The following MUC3A variants were observed in gnomAD, a reference collection of about 807,000 sequenced individuals.
The protein encoded by MUC3A is mucin 3A, cell surface associated.
Under a neutral mutation model 109.0 loss-of-function variants are expected in MUC3A, and 109 were observed. The observed-to-expected ratio is 1.00, with a 90% CI of 0.86 to 1.17. The LOEUF is 1.17. Among genes scored for constraint, MUC3A ranks in the 50% most tolerant of loss-of-function variants. MUC3A has a pLI of 0.00. For missense variants in MUC3A, 3,537 were observed against 2,469.4 expected, an observed-to-expected ratio of 1.43 and a Z score of -9.16; for synonymous variants, 1,398 against 981.4, an observed-to-expected ratio of 1.42 and a Z score of -7.93.
chr7:100,958,134 A>C lies in MUC3A; in HGVS notation c.6355A>C (p.Met2119Leu). 12 of 1,248,528 alleles carry C rather than the reference A, an allele frequency of 9.6e-6. No homozygotes were observed. The highest frequency in any genetic ancestry group is 1.4e-5 in the Non-Finnish European group (12 of 865,930). The allele number at this position is 1,248,528 out of a possible 1,614,324, so 77.3% of individuals were successfully genotyped here. A position where few individuals can be genotyped will look rare whatever the true frequency, so the allele number is the denominator to read the frequency against. The change falls in exon 2 of 12, where the codon ATG (methionine) becomes CTG (leucine). Residue 2119 changes from methionine to leucine, a missense_variant. Transcript: ENST00000379458. ...SFTSSITTSE[M>L]PSHSTPSFTS... ...CACTTCCTCAATCACCACCTCTGAG[A>C]TGCCCTCACACAGTACTCCCAGCTT...
Position 100,958,729 on chromosome 7 carries a change from C to G in MUC3A, c.6950C>G (p.Thr2317Ser), listed in dbSNP as rs772590984. ...FTSSITTTET[T>S]SHSAHSFTSS... Reference sequence around the variant, plus strand: ...TCTTCGATCACCACCACGGAGACCACCTCACACAGTGCTCACAGCTTCACT... The same window carrying G: ...TCTTCGATCACCACCACGGAGACCAGCTCACACAGTGCTCACAGCTTCACT... The change falls in exon 2 of 12, where the codon ACC (threonine) becomes AGC (serine). Residue 2317 changes from threonine (T) to serine (S), a missense_variant. Coordinates refer to ENST00000379458, the MANE Select transcript of MUC3A (RefSeq NM_005960.2). 2.3e-6 allele frequency: 3 copies of G among 1,307,760 alleles called. No individual in the cohort carries two copies. Among genetic ancestry groups the G allele is most frequent in the Non-Finnish European group, 2.9e-6 (3 of 1,018,254 alleles). 81.0% of individuals were successfully genotyped at this position (1,307,760 alleles called of 1,614,324 possible). A position where few individuals can be genotyped will look rare whatever the true frequency, so the allele number is the denominator to read the frequency against.
chr7:100,952,568 C>A lies in MUC3A; in HGVS notation c.789C>A (p.Ile263=). The A allele has an allele frequency of 6.3e-7, 1 of 1,598,486 alleles. No homozygotes were observed. Among genetic ancestry groups the A allele is most frequent in the Non-Finnish European group, 8.5e-7 (1 of 1,179,742 alleles). The change falls in exon 2 of 12, where the codon ATC becomes ATA. Residue 263 remains isoleucine, a synonymous_variant. Coordinates refer to ENST00000379458, the MANE Select transcript of MUC3A (RefSeq NM_005960.2). ...VTSTSPITSS[I]TSTNTVTSMT... Reference sequence around the variant, plus strand: ...CCACTTCCCCCATCACTTCTTCAATCACTTCCACAAATACAGTGACTTCTA... The same window carrying A: ...CCACTTCCCCCATCACTTCTTCAATAACTTCCACAAATACAGTGACTTCTA...
At chr7:100,949,911 T>C (rs796582151) in intron 1 of MUC3A, among the ~76,000 whole-genome samples, 12 of 974 alleles carry the variant, frequency 0.012, no homozygotes, top group South Asian at 0.045. Context: ...TGGGAAAGAG[T>C]GAGGGAGCTG....
chr7:100,960,731 C>T (rs1372855974), intron 2 of MUC3A, 21 bp from the exon 3 acceptor site: 5 of 1,595,188 alleles, frequency 3.1e-6, no homozygotes, highest in Admixed American at 1.7e-5. Context: ...CTGAGCTTCC[C>T]TTTCTTTCTG....
rs1240521931 is a variant in MUC3A, at chr7:100,960,158, T to C, written c.8379T>C (p.Thr2793=). ...CATGTGTTGAAATGGATCCCAGCACTGAAGCTACTTCTCCTCCCACCACCC... is the reference window on the plus strand; with the variant it reads ...CATGTGTTGAAATGGATCCCAGCACCGAAGCTACTTCTCCTCCCACCACCC... ...TDPCVEMDPS[T]EATSPPTTPL... is the part of the protein sequence containing the mutation. The change falls in exon 2 of 12, where the codon ACT becomes ACC. Residue 2793 remains threonine (T), a synonymous_variant. Coordinates refer to ENST00000379458, the MANE Select transcript of MUC3A (RefSeq NM_005960.2). The C allele has an allele frequency of 2.6e-6, 4 of 1,567,062 alleles. No individual in the cohort carries two copies. The highest frequency in any genetic ancestry group is 1.2e-5 in the South Asian group (1 of 84,332).
chr7:100,961,387 C>T (rs1392462349), intron 3 of MUC3A, among the ~76,000 whole-genome samples: 1 of 142,334 alleles, frequency 7.0e-6, no homozygotes, highest in Non-Finnish European at 1.5e-5. Context: ...GAGCCTCCCA[C>T]AGCAAGCCTG....
chr7:100,964,023 C>T (rs1792434531), intron 5 of MUC3A: 1 of 600,100 alleles, frequency 1.7e-6, no homozygotes, highest in East Asian at 2.8e-5. Flanking sequence ...ACTTTGTCCC[C>T]CTCTGGCTGG....
rs748929601 is a variant in MUC3A at position 100,959,579 on chromosome 7, C to T, written c.7800C>T (p.Thr2600=). The part of the protein sequence containing the change: ...TQTSPAPTTV[T]FGSTDSSTST... The stretch of plus-strand genomic sequence containing the variant: ...CATCTCCTGCACCTACTACTGTCAC[C>T]TTTGGAAGTACGGATTCCTCCACGT... Residue 2600 remains threonine (T), a synonymous_variant, in exon 2 of 12, where the codon ACC becomes ACT. Coordinates refer to ENST00000379458, the MANE Select transcript of MUC3A (RefSeq NM_005960.2). 12 of 1,595,810 alleles carry T rather than the reference C, an allele frequency of 7.5e-6. No individual in the cohort carries two copies. The African/African-American group carries it at 1.1e-4, about 14-fold the overall frequency.
rs1792534957 is a variant in MUC3A, at chr7:100,966,112, G to T, written c.9611+246G>T. 8 of 554,106 alleles carry T rather than the reference G, an allele frequency of 1.4e-5. No individual in the cohort carries two copies. The South Asian group carries it at 3.0e-4, about 21-fold the overall frequency. The allele number at this position is 554,106 out of a possible 1,614,324, so 34.3% of individuals were successfully genotyped here. On this transcript the variant is annotated intron_variant, in intron 8 of 11. Transcript: ENST00000379458. The stretch of plus-strand genomic sequence containing the variant: ...GAACCCCGCCCACTCATTCTAGGGT[G>T]GGGCCCCGCCTCCTCGTTCTAGGGT...
Position 100,957,699 on chromosome 7 carries a change from A to C in MUC3A, c.5920A>C (p.Ser1974Arg). The change falls in exon 2 of 12, where the codon AGC becomes CGC. Residue 1974 changes from serine (S) to arginine (R), a missense_variant. Physicochemically the swap from Ser to Arg is moderately radical, Grantham distance 110. Coordinates refer to ENST00000379458, the MANE Select transcript of MUC3A (RefSeq NM_005960.2). ...CGAGACCACATCCCACAATACTCCC[A>C]GCCTCACTTCTTCAATCACCACCAC... ...TTETTSHNTP[S>R]LTSSITTTKT... 1.4e-6 allele frequency: 2 copies of C among 1,385,752 alleles called. No homozygotes were observed. Among genetic ancestry groups the C allele is most frequent in the Non-Finnish European group, 2.0e-6 (2 of 1,009,482 alleles). 85.8% of individuals were successfully genotyped at this position (1,385,752 alleles called of 1,614,324 possible).
intron 5 of MUC3A, 67 bp from the exon 6 acceptor site, chr7:100,964,628 G>A: frequency 6.5e-7 from 1 of 1,541,936 alleles, no homozygotes. Context: ...GGTTGCTTCT[G>A]GAGGTGCCCC....
rs114888161 is a variant in MUC3A, at chr7:100,966,294, C to A, written c.9612-92C>A. 7,726 of 1,098,320 alleles carry A rather than the reference C, an allele frequency of 7.0e-3. No homozygotes were observed. The African/African-American group carries it at 0.17, about 25-fold the overall frequency. The allele number at this position is 1,098,320 out of a possible 1,614,324, so 68.0% of individuals were successfully genotyped here. ...ACCCCCCGCTGCCCTAGGCTGGAGCCCCGCCCCCTCACCCGCCCCCGCGGG... is the reference window on the plus strand; with the variant it reads ...ACCCCCCGCTGCCCTAGGCTGGAGCACCGCCCCCTCACCCGCCCCCGCGGG... On this transcript the variant is annotated intron_variant, in intron 8 of 11. Transcript: ENST00000379458.
At position 100,959,952 on chromosome 7, in the gene MUC3A, G is replaced by T. The variant is rs373395245; in HGVS notation, c.8173G>T (p.Ala2725Ser). Residue 2725 changes from alanine to serine, a missense_variant, in exon 2 of 12, where the codon GCT becomes TCT. Coordinates refer to ENST00000379458, the MANE Select transcript of MUC3A (RefSeq NM_005960.2). ...TTTCAGTACAGAAAATGTGGGCTCC[G>T]CTTCTATCACAGGCTTTCCTAGTCT... ...YIFSTENVGSASITGFPSLSS... is the reference protein window; with the variant it reads ...YIFSTENVGSSSITGFPSLSS... The T allele has an allele frequency of 2.6e-6, 4 of 1,509,768 alleles. No homozygotes were observed. Among genetic ancestry groups the T allele is most frequent in the Non-Finnish European group, 3.5e-6 (4 of 1,140,284 alleles). 93.5% of individuals were successfully genotyped at this position (1,509,768 alleles called of 1,614,324 possible).
Position 100,959,422 on chromosome 7 carries a change from T to G in MUC3A, c.7643T>G (p.Met2548Arg). The G allele has an allele frequency of 6.5e-7, 1 of 1,539,344 alleles. No homozygotes were observed. The highest frequency in any genetic ancestry group is 8.7e-7 in the Non-Finnish European group (1 of 1,154,508). Reference protein sequence around the residue: ...SSLVGTTSPTMSTVRMTLRIT... With the variant: ...SSLVGTTSPTRSTVRMTLRIT... ...CTTGTGGGCACCACCTCTCCCACCATGTCCACTGTGAGAATGACCCTCAGA... is the reference window on the plus strand; with the variant it reads ...CTTGTGGGCACCACCTCTCCCACCAGGTCCACTGTGAGAATGACCCTCAGA... The change falls in exon 2 of 12, where the codon ATG becomes AGG. Residue 2548 changes from methionine to arginine, a missense_variant. Transcript: ENST00000379458.
In MUC3A at chr7:100,965,272, G is replaced by A. The variant is rs1400649354; in HGVS notation, c.9383-10G>A. On this transcript the variant is annotated splice_polypyrimidine_tract_variant and intron_variant, in intron 6 of 11. Coordinates refer to ENST00000379458, the MANE Select transcript of MUC3A (RefSeq NM_005960.2). ...CCCCGCCCATTCCATCTGTGCCTGTGTTTCCGCAGCCCTGTGTTTTAAGCC... is the reference window on the plus strand; with the variant it reads ...CCCCGCCCATTCCATCTGTGCCTGTATTTCCGCAGCCCTGTGTTTTAAGCC... 6.3e-7 allele frequency: 1 copy of A among 1,598,898 alleles called. No individual in the cohort carries two copies. The highest frequency in any genetic ancestry group is 8.5e-7 in the Non-Finnish European group (1 of 1,179,614).
intron 6 of MUC3A, 42 bp from the exon 7 acceptor site, chr7:100,965,229 CCTTAACCCCTT>C (rs1792488622): frequency 9.4e-6 from 15 of 1,592,696 alleles, no homozygotes; most frequent in Middle Eastern, 1.6e-4. Flanking sequence ...AACCCCTTGA[CCTTAACCCCTT>C]GATCTGCCCC....
At chr7:100,965,062 C>T (rs1792479318) in intron 6 of MUC3A, 34 of 1,107,804 alleles carry the variant, frequency 3.1e-5, no homozygotes, top group Non-Finnish European at 4.0e-5. Context: ...TTGTCATGGT[C>T]AGCATTTCCC....
In MUC3A at chr7:100,965,360, TA is replaced by T. The variant is rs1399807482; in HGVS notation, c.9448+16del. 6.3e-7 allele frequency: 1 copy of T among 1,596,734 alleles called. No individual in the cohort carries two copies. The highest frequency in any genetic ancestry group is 8.5e-7 in the Non-Finnish European group (1 of 1,178,614). On this transcript the variant is annotated intron_variant, in intron 7 of 11. Coordinates refer to ENST00000379458, the MANE Select transcript of MUC3A (RefSeq NM_005960.2). The stretch of plus-strand genomic sequence containing the variant: ...CTGACCCCGGCAGGTAAGGGTGGGG[TA>T]AAGGGCTGAGTGGTCTCCCGCGGCT...
At position 100,963,740 on chromosome 7, in the gene MUC3A, T is replaced by A. The variant is rs937790451; in HGVS notation, c.9221T>A (p.Ile3074Asn). The change falls in exon 5 of 12, where the codon ATC (isoleucine) becomes AAC (asparagine). Residue 3074 changes from isoleucine to asparagine, a missense_variant. Ile to Asn is a moderately radical substitution (Grantham distance 149). Coordinates refer to ENST00000379458, the MANE Select transcript of MUC3A (RefSeq NM_005960.2). ...GGCTTCACCTTCAAGGGTGTGGAGATCCTGTCCCTGAGGTAGGAGACCCAT... is the reference window on the plus strand; with the variant it reads ...GGCTTCACCTTCAAGGGTGTGGAGAACCTGTCCCTGAGGTAGGAGACCCAT... The part of the protein sequence containing the change: ...MQGFTFKGVE[I>N]LSLRNGSIVV... 1.3e-6 allele frequency: 2 copies of A among 1,598,446 alleles called. No homozygotes were observed. The highest frequency in any genetic ancestry group is 2.7e-5 in the African/African-American group (2 of 74,962).
Sources: gnomAD v4.1 joint callset for allele counts (sites outside exome capture counted in the v4.1 genomes callset) on GRCh38, gnomAD v4.1.1 for gene constraint, MANE v1.5 for transcripts, NCBI Gene and HGNC (gene_info 2026-07-23, HGNC 2026-07-21) for gene names.